Variants in PKM observed in about 807,000 individuals in gnomAD.
PKM encodes the protein pyruvate kinase PKM.
Under a neutral mutation model 49.8 loss-of-function variants are expected in PKM, and 18 were observed. The ratio of observed to expected loss-of-function variants is 0.36; its 90% CI spans 0.25 to 0.54. The LOEUF is 0.54. Ranked by LOEUF, PKM falls within the 20% of genes least tolerant of loss-of-function variation. The pLI, the probability that PKM is intolerant of heterozygous loss-of-function variation, is 0.89. For synonymous variants in PKM, 239 were observed against 261.8 expected (o/e 0.91, Z 0.84); for missense variants, 508 against 713.8 (o/e 0.71, Z 3.28).
intron 1 of PKM, among the ~76,000 whole-genome samples, chr15:72,227,561 T>G (rs1283052686): frequency 6.6e-6 from 1 of 151,804 alleles, no homozygotes; most frequent in East Asian, 1.9e-4. Flanking sequence ...CTGGCCAACA[T>G]GGTGAAACCC....
chr15:72,221,635 T>G (rs1025929113), intron 1 of PKM, among the ~76,000 whole-genome samples: 1 of 151,984 alleles, frequency 6.6e-6, no homozygotes, highest in Non-Finnish European at 1.5e-5. Context: ...AGTAAGAAAT[T>G]ATGTGTACCT....
At chr15:72,217,802 T>C (rs896988701) in intron 2 of PKM, among the ~76,000 whole-genome samples, 1 of 152,208 alleles carries the variant, frequency 6.6e-6, no homozygotes, top group African/African-American at 2.4e-5. Flanking sequence ...AACCACAGAA[T>C]CTTGGTAGCA....
chr15:72,225,373 A>C (rs1392577591), intron 1 of PKM, among the ~76,000 whole-genome samples: 1 of 151,940 alleles, frequency 6.6e-6, no homozygotes, highest in Non-Finnish European at 1.5e-5. Context: ...TAGAGATGGG[A>C]ATCTTGCGAT....
chr15:72,202,820 C>A lies in PKM; in HGVS notation c.1141-200G>T. ...AGACTCCACAGAAACCAGTCCTTCACCAAGTGCCTGTGACATCTACTGTGC... is the reference window on the plus strand; with the variant it reads ...AGACTCCACAGAAACCAGTCCTTCAACAAGTGCCTGTGACATCTACTGTGC... On this transcript the variant is annotated intron_variant, in intron 8 of 10. Coordinates refer to ENST00000335181, the MANE Select transcript of PKM (RefSeq NM_002654.6). This position sits in a 1 kb window ranked among gnomAD's most constrained non-coding sequence, Gnocchi z 4.5. 1 of 707,904 alleles carries A rather than the reference C, an allele frequency of 1.4e-6. No homozygotes were observed. The allele number at this position is 707,904 out of a possible 1,614,324, so 43.9% of individuals were successfully genotyped here.
chr15:72,217,506 A>G lies in PKM; in HGVS notation c.155-6T>C. On this transcript the variant is annotated splice_region_variant and splice_polypyrimidine_tract_variant and intron_variant, in intron 2 of 10. Coordinates refer to ENST00000335181, the MANE Select transcript of PKM (RefSeq NM_002654.6). ...CACTGATCGGGAAGCTGGGCCTATT[A>G]GGAAAAGTTTTAAAGCCACAAGTAT... is the stretch of plus-strand genomic sequence containing the variant. 1 of 1,576,108 alleles carries G rather than the reference A, an allele frequency of 6.3e-7. No individual in the cohort carries two copies. Among genetic ancestry groups the G allele is most frequent in the East Asian group, 2.2e-5 (1 of 44,722 alleles).
intron 5 of PKM, 80 bp from the exon 6 acceptor site, chr15:72,208,971 C>A (rs1374473851): frequency 6.8e-7 from 1 of 1,464,290 alleles, no homozygotes; most frequent in African/African-American, 1.4e-5. Context: ...CCCGCAAGGA[C>A]AGTGAGCTGG....
Position 72,202,050 on chromosome 15 carries a change from C to T in PKM, c.1307+404G>A, listed in dbSNP as rs2081957998. 1 of 279,942 alleles carries T rather than the reference C, an allele frequency of 3.6e-6. No homozygotes were observed. The highest frequency in any genetic ancestry group is 7.0e-6 in the Non-Finnish European group (1 of 142,578). The allele number at this position is 279,942 out of a possible 1,614,324, so 17.3% of individuals were successfully genotyped here. On this transcript the variant is annotated intron_variant, in intron 9 of 10. Coordinates refer to ENST00000335181, the MANE Select transcript of PKM (RefSeq NM_002654.6). The surrounding 1 kb of genome is among the most constrained non-coding windows in gnomAD (Gnocchi z 4.5). ...GGGACTAGTGTGCCAAATGGAGGCACAGTAAACAGCATTTAAATAAATTCA... is the reference window on the plus strand; with the variant it reads ...GGGACTAGTGTGCCAAATGGAGGCATAGTAAACAGCATTTAAATAAATTCA...
At chr15:72,218,894 G>C (rs375307500) in intron 2 of PKM, 50 bp downstream of exon 2, 741 of 1,588,430 alleles carry the variant, frequency 4.7e-4, no homozygotes, top group Non-Finnish European at 5.8e-4. Context: ...AGGAGAGAAA[G>C]GTCACTGCCC....
rs751885485 is a variant in PKM at position 72,208,732 on chromosome 15, G to A, written c.725C>T (p.Ala242Val). ...GVEQDVDMVFASFIRKASDVH... is the reference protein window; with the variant it reads ...GVEQDVDMVFVSFIRKASDVH... ...ATCAGATGCCTTGCGGATGAATGAC[G>A]CAAACACCATATCAACATCCTGCTC... is the stretch of plus-strand genomic sequence containing the variant. Residue 242 changes from alanine (A) to valine (V), a missense_variant, in exon 6 of 11, where the codon GCG becomes GTG. Physicochemically the swap from Ala to Val is moderately conservative, Grantham distance 64. Transcript: ENST00000335181. The A allele has an allele frequency of 1.5e-5, 25 of 1,613,918 alleles. No individual in the cohort carries two copies. Among genetic ancestry groups the A allele is most frequent in the African/African-American group, 4.0e-5 (3 of 74,870 alleles).
At chr15:72,229,674 G>A (rs2082789699) in intron 1 of PKM, 1 of 1,241,760 alleles carries the variant, frequency 8.1e-7, no homozygotes, top group Non-Finnish European at 1.1e-6. Context: ...CAGGAAGCTC[G>A]TACCCCACTC....
chr15:72,228,620 G>A (rs1567136661), intron 1 of PKM: 2 of 1,283,814 alleles, frequency 1.6e-6, no homozygotes, highest in Admixed American at 4.6e-5. Context: ...TTGAAAGGTT[G>A]AGTCATCTTC....
chr15:72,209,060 T>G, intron 5 of PKM, 169 bp from the exon 6 acceptor site: 1 of 712,610 alleles, frequency 1.4e-6, no homozygotes. Context: ...GGGCAAGCCA[T>G]TTAACCTCTC....
At chr15:72,229,878 A>G (rs1358848516) in intron 1 of PKM, among the ~76,000 whole-genome samples, 3 of 151,600 alleles carry the variant, frequency 2.0e-5, no homozygotes, top group Non-Finnish European at 4.4e-5. Flanking sequence ...TTCCACAATC[A>G]GGACGCATTT....
At chr15:72,210,700 G>A (rs564442684) in intron 3 of PKM, among the ~76,000 whole-genome samples, 11 of 152,216 alleles carry the variant, frequency 7.2e-5, no homozygotes, top group African/African-American at 2.6e-4. Flanking sequence ...TTCACCCAAA[G>A]GGCAAATCTT....
intron 2 of PKM, 74 bp downstream of exon 2, chr15:72,218,870 T>C (rs2082443342): frequency 2.0e-6 from 3 of 1,482,354 alleles, no homozygotes; most frequent in Non-Finnish European, 2.8e-6. Context: ...TTAGGACATT[T>C]AGTTACTCTT....
At chr15:72,210,308 C>T (rs746521868) in intron 4 of PKM, 39 bp downstream of exon 4, 10 of 1,606,704 alleles carry the variant, frequency 6.2e-6, no homozygotes, top group Non-Finnish European at 8.5e-6. Context: ...GGGCATATTG[C>T]CTACTGAGCC....
At chr15:72,225,397 G>A (rs986188907) in intron 1 of PKM, among the ~76,000 whole-genome samples, 1 of 151,316 alleles carries the variant, frequency 6.6e-6, no homozygotes, top group Admixed American at 6.6e-5. Context: ...GCCCAGGCTG[G>A]TCTCGACCTC....
Position 72,199,626 on chromosome 15 carries a change from C to T in PKM, c.*24G>A. 1 of 1,542,180 alleles carries T rather than the reference C, an allele frequency of 6.5e-7. No homozygotes were observed. Among genetic ancestry groups the T allele is most frequent in the Non-Finnish European group, 9.0e-7 (1 of 1,115,708 alleles). The stretch of plus-strand genomic sequence containing the variant: ...CTGGGGGAAGGGGGTGGGACAGGGG[C>T]TGGAGGAGGGGCTCTGGGGTCCATC... On this transcript the variant is annotated 3_prime_UTR_variant, in exon 11 of 11. Coordinates refer to ENST00000335181, the MANE Select transcript of PKM (RefSeq NM_002654.6).
At chr15:72,218,187 A>G (rs1296474650) in intron 2 of PKM, among the ~76,000 whole-genome samples, 1 of 151,382 alleles carries the variant, frequency 6.6e-6, no homozygotes, top group Non-Finnish European at 1.5e-5. Context: ...TGCAATGGTC[A>G]GATCTCAGCT....
Sources: gnomAD v4.1 joint callset for allele counts (sites outside exome capture counted in the v4.1 genomes callset) on GRCh38, gnomAD v4.1.1 for gene constraint, Gnocchi (gnomAD v3.1) non-coding constraint, MANE v1.5 for transcripts, NCBI Gene and HGNC (gene_info 2026-07-23, HGNC 2026-07-21) for gene names.